ZFYVE26: variants seen among roughly 807,000 people sequenced by gnomAD.
ZFYVE26 encodes zinc finger FYVE-type containing 26.
In ZFYVE26, 181 loss-of-function variants were observed where a neutral mutation model predicts 276.5. That is an observed-to-expected ratio of 0.65 (90% CI 0.58 to 0.74). ZFYVE26 has a LOEUF of 0.74. ZFYVE26 is among the 30% of genes least tolerant of loss of function. The probability of loss-of-function intolerance (pLI) is 0.00; values close to 1 mark genes in which losing one functional copy is unlikely to be tolerated. For synonymous variants in ZFYVE26, 1,129 were observed against 1,203.1 expected (o/e 0.94, Z 1.27); for missense variants, 2,821 against 3,097.9 (o/e 0.91, Z 2.12).
At position 67,804,207 on chromosome 14, in the gene ZFYVE26, T is replaced by C. The variant is rs2140248638; in HGVS notation, c.1329A>G (p.Ser443=). 6.2e-7 allele frequency: 1 copy of C among 1,613,976 alleles called. No individual in the cohort carries two copies. Among genetic ancestry groups the C allele is most frequent in the Non-Finnish European group, 8.5e-7 (1 of 1,179,962 alleles). Residue 443 remains serine, a synonymous_variant, in exon 9 of 42, where the codon TCA becomes TCG. Transcript: ENST00000347230. ...TAAGGTGATGGAGAGTGTAGAGCAC[T>C]GAGTGGCTGTCTCCACCGTGTAAAT... ...LYHLHGGDSH[S]VLYTLHHLTN... is the part of the protein sequence containing the mutation.
intron 34 of ZFYVE26, chr14:67,761,953 T>C (rs1234173076): frequency 3.5e-6 from 2 of 573,864 alleles, no homozygotes; most frequent in East Asian, 3.0e-5. Context: ...TATGGGATTA[T>C]ATGTCATATG....
chr14:67,788,612 C>A (rs765903964), intron 16 of ZFYVE26, among the ~76,000 whole-genome samples: 2 of 152,118 alleles, frequency 1.3e-5, no homozygotes, highest in Non-Finnish European at 2.9e-5. Flanking sequence ...TCTTTGTATC[C>A]ATTTGCTGAA....
intron 10 of ZFYVE26, chr14:67,799,481 G>C: frequency 6.2e-7 from 1 of 1,609,822 alleles, no homozygotes; most frequent in South Asian, 1.1e-5. Flanking sequence ...CCTGAAGGCA[G>C]CCATTCAGAG....
chr14:67,752,239 A>AACCCC (rs1168568541), intron 40 of ZFYVE26, 105 bp downstream of exon 40: 85 of 1,391,984 alleles, frequency 6.1e-5, no homozygotes, highest in South Asian at 2.4e-4. Flanking sequence ...TGATAAAAGG[A>AACCCC]TCTTGTAGAG....
At position 67,797,668 on chromosome 14, in the gene ZFYVE26, T is replaced by C; in HGVS notation, c.2332+4A>G. On this transcript the variant is annotated splice_donor_region_variant and intron_variant, in intron 12 of 41. Transcript: ENST00000347230. Reference sequence around the variant, plus strand: ...AGTGCATGGGAATGAGCTCTTCAGATTACCTGCCTGGCTCCTTCTTGTCCG... The same window carrying C: ...AGTGCATGGGAATGAGCTCTTCAGACTACCTGCCTGGCTCCTTCTTGTCCG... 1 of 1,613,968 alleles carries C rather than the reference T, an allele frequency of 6.2e-7. No homozygotes were observed. Among genetic ancestry groups the C allele is most frequent in the South Asian group, 1.1e-5 (1 of 91,038 alleles).
Position 67,772,153 on chromosome 14 carries a change from G to T in ZFYVE26, c.5378C>A (p.Pro1793His). The change falls in exon 28 of 42, where the codon CCC (proline) becomes CAC (histidine). Residue 1793 changes from proline to histidine, a missense_variant. Transcript: ENST00000347230. ...CGCTGGGGGCACAAATTCCTGTGAGGGCTGGGTTGGTGGGAAACTCCTTTC... is the reference window on the plus strand; with the variant it reads ...CGCTGGGGGCACAAATTCCTGTGAGTGCTGGGTTGGTGGGAAACTCCTTTC... The part of the protein sequence containing the change: ...LRERSFPPTQ[P>H]SQEFVPPATP... 3 of 1,613,374 alleles carry T rather than the reference G, an allele frequency of 1.9e-6. No individual in the cohort carries two copies. Among genetic ancestry groups the T allele is most frequent in the African/African-American group, 1.3e-5 (1 of 75,004 alleles).
intron 13 of ZFYVE26, among the ~76,000 whole-genome samples, chr14:67,740,487 TTTAG>T (rs1014543156): frequency 4.6e-5 from 7 of 152,164 alleles, no homozygotes; most frequent in African/African-American, 7.2e-5. Context: ...TTTTTGAAAA[TTTAG>T]TTAATTTTAT....
chr14:67,759,832 C>T (rs1226104016), intron 35 of ZFYVE26, among the ~76,000 whole-genome samples: 4 of 152,022 alleles, frequency 2.6e-5, no homozygotes, highest in African/African-American at 9.7e-5. Flanking sequence ...AGGGGAATAA[C>T]ATGAATCTAT....
intron 38 of ZFYVE26, 38 bp downstream of exon 38, chr14:67,754,033 G>A: frequency 6.2e-7 from 1 of 1,613,908 alleles, no homozygotes; most frequent in Non-Finnish European, 8.5e-7. Flanking sequence ...TCTAAAAGAT[G>A]ACAATAGTCT....
In ZFYVE26 at chr14:67,748,232, A is replaced by C; in HGVS notation, c.*204T>G. ...GCCATCTCCAGACAAACACACATAG[A>C]TTCCACAATTTTAGAGAAACATGGC... On this transcript the variant is annotated 3_prime_UTR_variant, in exon 42 of 42. Coordinates refer to ENST00000347230, the MANE Select transcript of ZFYVE26 (RefSeq NM_015346.4). 1 of 617,748 alleles carries C rather than the reference A, an allele frequency of 1.6e-6. No homozygotes were observed. The highest frequency in any genetic ancestry group is 2.0e-5 in the South Asian group (1 of 50,680). The allele number at this position is 617,748 out of a possible 1,614,324, so 38.3% of individuals were successfully genotyped here.
At chr14:67,735,353 G>A (rs1265892446) in intron 13 of ZFYVE26, 2 of 752,830 alleles carry the variant, frequency 2.7e-6, no homozygotes, top group Non-Finnish European at 4.9e-6. Flanking sequence ...TGCTCAGCCT[G>A]GGCAAGGAAC....
chr14:67,745,805 T>A (rs1436824118), downstream of ZFYVE26, among the ~76,000 whole-genome samples: 1 of 151,474 alleles, frequency 6.6e-6, no homozygotes, highest in Non-Finnish European at 1.5e-5. Flanking sequence ...GAGGCAGGAT[T>A]GCTTAAGCCC....
rs2038771528 is a variant in ZFYVE26 at position 67,756,086 on chromosome 14, C to T, written c.6648G>A (p.Lys2216=). The part of the protein sequence containing the change: ...GIFQPSYKSG[K]LHTLENLLES... ...CTAGCAAGTTCTCCAAAGTGTGTAG[C>T]TTCCCACTTTTATAGCTTGGTTGGA... Residue 2216 remains lysine (K), a synonymous_variant, in exon 36 of 42, where the codon AAG becomes AAA. Coordinates refer to ENST00000347230, the MANE Select transcript of ZFYVE26 (RefSeq NM_015346.4). The T allele has an allele frequency of 2.5e-6, 4 of 1,614,222 alleles. No individual in the cohort carries two copies. Among genetic ancestry groups the T allele is most frequent in the Non-Finnish European group, 3.4e-6 (4 of 1,180,052 alleles).
chr14:67,804,902 C>T (rs981693134), intron 8 of ZFYVE26, among the ~76,000 whole-genome samples: 1 of 152,172 alleles, frequency 6.6e-6, no homozygotes. Flanking sequence ...TATTGTGAGG[C>T]TTAATTGAAA....
At chr14:67,781,081 T>C (rs1234182173) in intron 22 of ZFYVE26, among the ~76,000 whole-genome samples, 1 of 152,228 alleles carries the variant, frequency 6.6e-6, no homozygotes, top group Non-Finnish European at 1.5e-5. Context: ...TGGACTGTAA[T>C]ACACCATTCC....
Position 67,795,085 on chromosome 14 carries a change from G to A in ZFYVE26, c.2333-846C>T, listed in dbSNP as rs149223246. Among the ~76,000 whole-genome samples, 122 of 152,264 alleles carry A rather than the reference G, an allele frequency of 8.0e-4. 1 individual carries two copies. Among genetic ancestry groups the A allele is most frequent in the African/African-American group, 2.8e-3 (117 of 41,536 alleles). On this transcript the variant is annotated intron_variant, in intron 12 of 41. Coordinates refer to ENST00000347230, the MANE Select transcript of ZFYVE26 (RefSeq NM_015346.4). ...TGTTAGAGCTTTCTAACAGAGGCTC[G>A]CTATTCCTTAGCCTGGTCATTCGAG...
intron 13 of ZFYVE26, among the ~76,000 whole-genome samples, 161 bp downstream of exon 13, chr14:67,794,010 G>A (rs1009718493): frequency 6.6e-6 from 1 of 152,146 alleles, no homozygotes; most frequent in Admixed American, 6.5e-5. Flanking sequence ...ACTAAATTGA[G>A]AATGAAACAG....
At chr14:67,757,703 C>G (rs142585956) in intron 35 of ZFYVE26, among the ~76,000 whole-genome samples, 21 of 146,318 alleles carry the variant, frequency 1.4e-4, no homozygotes, top group African/African-American at 5.0e-4. Flanking sequence ...TCCTTTCTTT[C>G]TCTCTCTCTT....
downstream of ZFYVE26, among the ~76,000 whole-genome samples, chr14:67,743,498 TAATAA>T (rs142422698): frequency 0.059 from 8,157 of 139,100 alleles, 642 homozygotes; most frequent in African/African-American, 0.17. Context: ...CTCAGTATAA[TAATAA>T]AATAAAATAA....
Sources: gnomAD v4.1 joint callset for allele counts (sites outside exome capture counted in the v4.1 genomes callset) on GRCh38, gnomAD v4.1.1 for gene constraint, MANE v1.5 for transcripts, NCBI Gene and HGNC (gene_info 2026-07-23, HGNC 2026-07-21) for gene names.